The following MYO1C variants were observed in gnomAD, a reference collection of about 807,000 sequenced individuals.
MYO1C encodes the protein myosin IC, also known as unconventional myosin-Ic.
In MYO1C, 104 loss-of-function variants were observed where a neutral mutation model predicts 150.8. That is an observed-to-expected ratio of 0.69 (90% CI 0.59 to 0.81). MYO1C has a LOEUF of 0.81. Ranked by LOEUF, MYO1C falls within the 30% of genes least tolerant of loss-of-function variation. The pLI is 0.00. For missense variants in MYO1C, 1,504 were observed against 1,435.0 expected (o/e 1.05, Z -0.78); for synonymous variants, 663 against 579.9 (o/e 1.14, Z -2.06).
chr17:1,470,573 C>T (rs764078622), intron 22 of MYO1C, 48 bp downstream of exon 22: 1 of 1,582,584 alleles, frequency 6.3e-7, no homozygotes, highest in South Asian at 1.1e-5. Context: ...TGGTGGCCCC[C>T]CCTGGCCCCA....
At position 1,478,598 on chromosome 17, in the gene MYO1C, T is replaced by G. The variant is rs1354470298; in HGVS notation, c.1212+18A>C. ...GCCCTCCCTTCTGCCTTGGGAGCAG[T>G]GTGGACCGAGCCCTCACCTTGGAGG... On this transcript the variant is annotated intron_variant, in intron 10 of 31. Coordinates refer to ENST00000648651, the MANE Select transcript of MYO1C (RefSeq NM_001080779.2). This position sits in a 1 kb window ranked among gnomAD's most constrained non-coding sequence, Gnocchi z 6.3. 1.2e-6 allele frequency: 2 copies of G among 1,613,818 alleles called. No individual in the cohort carries two copies. The highest frequency in any genetic ancestry group is 3.3e-5 in the Admixed American group (2 of 60,000).
rs2074447740 is a variant in MYO1C, at chr17:1,478,554, A to AC, written c.1212+61dup. The AC allele has an allele frequency of 3.7e-6, 6 of 1,612,338 alleles. No homozygotes were observed. The highest frequency in any genetic ancestry group is 1.7e-4 in the Middle Eastern group (1 of 6,048). ...GCGCGTGCCAGCCCCACCCTGCAGC[A>AC]CCCCCCGCCTCGCCGACGGCCCTCC... On this transcript the variant is annotated intron_variant, in intron 10 of 31. Coordinates refer to ENST00000648651, the MANE Select transcript of MYO1C (RefSeq NM_001080779.2). This position sits in a 1 kb window ranked among gnomAD's most constrained non-coding sequence, Gnocchi z 6.3.
chr17:1,471,960 G>A lies in MYO1C; in HGVS notation c.1968C>T (p.Arg656=), dbSNP rs750688193. 1.4e-5 allele frequency: 22 copies of A among 1,613,974 alleles called. No individual in the cohort carries two copies. Among genetic ancestry groups the A allele is most frequent in the Non-Finnish European group, 1.6e-5 (19 of 1,180,014 alleles). Residue 656 remains arginine (R), a synonymous_variant, in exon 19 of 32, where the codon CGC becomes CGT. Transcript: ENST00000648651. ...VKYLGLLENL[R]VRRAGFAYRR... Reference sequence around the variant, plus strand: ...GATAGGCAAAGCCGGCTCTGCGCACGCGCAGGTTTTCCAACAGCCCCAGGT... The same window carrying A: ...GATAGGCAAAGCCGGCTCTGCGCACACGCAGGTTTTCCAACAGCCCCAGGT...
chr17:1,474,551 AG>A, intron 17 of MYO1C, 58 bp downstream of exon 17: 3 of 1,558,118 alleles, frequency 1.9e-6, no homozygotes, highest in Non-Finnish European at 2.6e-6. Context: ...AGGCTCACAC[AG>A]GCCCTCATGC....
intron 7 of MYO1C, 35 bp downstream of exon 7, chr17:1,480,492 C>A: frequency 6.5e-7 from 1 of 1,536,230 alleles, no homozygotes; most frequent in Non-Finnish European, 9.0e-7. Context: ...GGGGGTGTGA[C>A]AGGAGGAAAG....
At position 1,470,801 on chromosome 17, in the gene MYO1C, C is replaced by A. The variant is rs367854175; in HGVS notation, c.2213-112G>T. The stretch of plus-strand genomic sequence containing the variant: ...ATGGGAGAGTGGCTGAAGGAACCAA[C>A]GAGCAGGAGGAGAGTGGTGAAGAAG... On this transcript the variant is annotated intron_variant, in intron 21 of 31. Coordinates refer to ENST00000648651, the MANE Select transcript of MYO1C (RefSeq NM_001080779.2). 278 of 1,175,406 alleles carry A rather than the reference C, an allele frequency of 2.4e-4. 4 individuals are homozygous for A. The South Asian group carries it at 2.4e-3, about 10-fold the overall frequency. The allele number at this position is 1,175,406 out of a possible 1,614,324, so 72.8% of individuals were successfully genotyped here. A position where few individuals can be genotyped will look rare whatever the true frequency, so the allele number is the denominator to read the frequency against.
At chr17:1,474,724 C>G (rs776241405) in intron 16 of MYO1C, 34 bp from the exon 17 acceptor site, 3 of 1,613,476 alleles carry the variant, frequency 1.9e-6, no homozygotes, top group East Asian at 4.5e-5. Flanking sequence ...GGGTGGGGCA[C>G]AGGGACAGGC....
At position 1,474,926 on chromosome 17, in the gene MYO1C, C is replaced by A; in HGVS notation, c.1669+12G>T. ...GCAGGCCCCTGTGGGGACACAGCCC[C>A]AGGATCCTCACCGGTCACGCTGTAG... is the stretch of plus-strand genomic sequence containing the variant. On this transcript the variant is annotated intron_variant, in intron 15 of 31. Coordinates refer to ENST00000648651, the MANE Select transcript of MYO1C (RefSeq NM_001080779.2). The A allele has an allele frequency of 6.2e-7, 1 of 1,607,744 alleles. No individual in the cohort carries two copies. The highest frequency in any genetic ancestry group is 8.5e-7 in the Non-Finnish European group (1 of 1,176,830).
chr17:1,472,882 C>A (rs1015861005), intron 17 of MYO1C, among the ~76,000 whole-genome samples: 6 of 152,166 alleles, frequency 3.9e-5, no homozygotes, highest in African/African-American at 1.2e-4. Flanking sequence ...AGTGGCTGGA[C>A]AAGGGAGACA....
chr17:1,471,832 G>C, intron 19 of MYO1C, 75 bp downstream of exon 19: 1 of 1,474,792 alleles, frequency 6.8e-7, no homozygotes, highest in South Asian at 1.1e-5. Flanking sequence ...GAGAACCCTT[G>C]TCTGCCCTCA....
At chr17:1,480,942 T>C (rs1311007623) in intron 5 of MYO1C, 57 bp from the exon 6 acceptor site, 1 of 1,583,320 alleles carries the variant, frequency 6.3e-7, no homozygotes, top group African/African-American at 1.3e-5. Context: ...AGAGCCCACC[T>C]GCCCCTCTTC....
chr17:1,485,430 T>G, intron 1 of MYO1C: 1 of 900,476 alleles, frequency 1.1e-6, no homozygotes, highest in Non-Finnish European at 1.4e-6. Context: ...GGCTGCCAAA[T>G]CCGGCCGCGG....
Position 1,482,242 on chromosome 17 carries a change from A to C in MYO1C, c.627+236T>G, listed in dbSNP as rs2074538146. ...GCCTTTATTAAAATGCCACTTTCTC[A>C]GTGAGGCCTACCCTAATACGACCGC... On this transcript the variant is annotated intron_variant, in intron 5 of 31. Transcript: ENST00000648651. Among the ~76,000 whole-genome samples, 2 of 152,010 alleles carry C rather than the reference A, an allele frequency of 1.3e-5. 1 individual carries two copies. The highest frequency in any genetic ancestry group is 4.1e-4 in the South Asian group (2 of 4,830).
In MYO1C at chr17:1,480,831, C is replaced by G. The variant is rs1188893032; in HGVS notation, c.682G>C (p.Val228Leu). The change falls in exon 6 of 32, where the codon GTG becomes CTG. Residue 228 changes from valine to leucine, a missense_variant. Val to Leu is a conservative substitution (Grantham distance 32). Coordinates refer to ENST00000648651, the MANE Select transcript of MYO1C (RefSeq NM_001080779.2). ...TTCCGCTCCCCATGATTCTGGTGCA[C>G]CACTCGTGACTTTTCCAGGAGGTAA... ...LSYLLEKSRV[V>L]HQNHGERNFH... is the part of the protein sequence containing the mutation. 2 of 1,614,166 alleles carry G rather than the reference C, an allele frequency of 1.2e-6. No individual in the cohort carries two copies. The highest frequency in any genetic ancestry group is 2.2e-5 in the South Asian group (2 of 91,082).
intron 31 of MYO1C, among the ~76,000 whole-genome samples, chr17:1,466,217 G>A (rs2150925832): frequency 7.0e-6 from 1 of 143,328 alleles, no homozygotes; most frequent in Non-Finnish European, 1.5e-5. Context: ...GGAGTGCAGT[G>A]GTGAGATCTT....
At position 1,479,283 on chromosome 17, in the gene MYO1C, G is replaced by A; in HGVS notation, c.1092+148C>T. The A allele has an allele frequency of 3.0e-6, 2 of 674,258 alleles. No homozygotes were observed. The highest frequency in any genetic ancestry group is 2.7e-5 in the East Asian group (1 of 36,810). 41.8% of individuals were successfully genotyped at this position (674,258 alleles called of 1,614,324 possible). A position where few individuals can be genotyped will look rare whatever the true frequency, so the allele number is the denominator to read the frequency against. Reference sequence around the variant, plus strand: ...GCTGGGGTTACAGGCGTGAGCCACGGCGCTCGGCTCTCACTCTGCTTCTCT... The same window carrying A: ...GCTGGGGTTACAGGCGTGAGCCACGACGCTCGGCTCTCACTCTGCTTCTCT... On this transcript the variant is annotated intron_variant, in intron 9 of 31. Coordinates refer to ENST00000648651, the MANE Select transcript of MYO1C (RefSeq NM_001080779.2). This position sits in a 1 kb window ranked among gnomAD's most constrained non-coding sequence, Gnocchi z 4.2.
intron 24 of MYO1C, 49 bp downstream of exon 24, chr17:1,470,126 C>G: frequency 6.4e-7 from 1 of 1,562,498 alleles, no homozygotes; most frequent in Non-Finnish European, 8.7e-7. Flanking sequence ...TCAGACCCTT[C>G]TGCTGTGTAC....
At chr17:1,482,152 T>A (rs1252844427) in intron 5 of MYO1C, among the ~76,000 whole-genome samples, 2 of 152,040 alleles carry the variant, frequency 1.3e-5, no homozygotes, top group Non-Finnish European at 2.9e-5. Context: ...CCTCAAGTGA[T>A]CCTCCTGCCT....
rs779676455 is a variant in MYO1C at position 1,483,641 on chromosome 17, C to T, written c.316G>A (p.Gly106Ser). ...GGGGGCACTTCATAGAAGCTGACGCCACGGTAACGCTCCATATGCTGCCGG... is the reference window on the plus strand; with the variant it reads ...GGGGGCACTTCATAGAAGCTGACGCTACGGTAACGCTCCATATGCTGCCGG... The part of the protein sequence containing the change: ...YSRQHMERYR[G>S]VSFYEVPPHL... The change falls in exon 3 of 32, where the codon GGC becomes AGC. Residue 106 changes from glycine (G) to serine (S), a missense_variant. Coordinates refer to ENST00000648651, the MANE Select transcript of MYO1C (RefSeq NM_001080779.2). 2.5e-6 allele frequency: 4 copies of T among 1,612,570 alleles called. No homozygotes were observed. In the South Asian group the frequency reaches 3.3e-5, roughly 13 times the overall value.
Sources: gnomAD v4.1 joint callset for allele counts (sites outside exome capture counted in the v4.1 genomes callset) on GRCh38, gnomAD v4.1.1 for gene constraint, Gnocchi (gnomAD v3.1) non-coding constraint, MANE v1.5 for transcripts, NCBI Gene and HGNC (gene_info 2026-07-23, HGNC 2026-07-21) for gene names.